The following WDR87 variants were observed in gnomAD, a reference collection of about 807,000 sequenced individuals.
WDR87 encodes the protein WD repeat-containing protein 87.
A neutral mutation model predicts 83.3 loss-of-function variants in WDR87; 56 were observed. The observed-to-expected ratio is 0.67, with a 90% CI of 0.54 to 0.84. The LOEUF is 0.84. Among genes scored for constraint, WDR87 ranks in the 40% least tolerant of loss-of-function variants. The pLI, the probability that WDR87 is intolerant of heterozygous loss-of-function variation, is 0.00. For synonymous variants in WDR87, 1,173 were observed against 1,250.6 expected, an observed-to-expected ratio of 0.94 and a Z score of 1.31; for missense variants, 2,939 against 3,431.9, an observed-to-expected ratio of 0.86 and a Z score of 3.59.
In WDR87 at chr19:37,893,491, G is replaced by T; in HGVS notation, c.2212C>A (p.Arg738=). Reference sequence around the variant, plus strand: ...ACAGAATGGTCAAAGGCAATGGCCCGGTTGTTGACAAGTTTCTCCAGACCC... The same window carrying T: ...ACAGAATGGTCAAAGGCAATGGCCCTGTTGTTGACAAGTTTCTCCAGACCC... The part of the protein sequence containing the change: ...LVGLEKLVNN[R]AIAFDHSVPH... The change falls in exon 4 of 6, where the codon CGG becomes AGG. Residue 738 remains arginine (R), a synonymous_variant. Transcript: ENST00000447313. 1 of 1,551,856 alleles carries T rather than the reference G, an allele frequency of 6.4e-7. No homozygotes were observed. The highest frequency in any genetic ancestry group is 8.7e-7 in the Non-Finnish European group (1 of 1,147,036).
In WDR87 at chr19:37,889,541, C is replaced by G. The variant is rs867492465; in HGVS notation, c.4130G>C (p.Arg1377Thr). The stretch of plus-strand genomic sequence containing the variant: ...TTCCCTTGGCATCACTTCCTTGTGT[C>G]TGATCACCTCTTGGGTCACACCTTG... ...MIQGVTQEVI[R>T]HKEVMPREEE... The change falls in exon 6 of 6, where the codon AGA (arginine) becomes ACA (threonine). Residue 1377 changes from arginine to threonine, a missense_variant. By Grantham distance (71) the Arg-to-Thr change is moderately conservative. Transcript: ENST00000447313. The G allele has an allele frequency of 2.6e-6, 4 of 1,551,642 alleles. No homozygotes were observed. In the South Asian group the frequency reaches 3.6e-5, roughly 14 times the overall value.
intron 1 of WDR87, among the ~76,000 whole-genome samples, chr19:37,903,509 T>A (rs1190721457): frequency 6.6e-6 from 1 of 152,178 alleles, no homozygotes; most frequent in African/African-American, 2.4e-5. Context: ...TGTAAAGTAG[T>A]AACCAGGAGT....
Position 37,895,002 on chromosome 19 carries a change from C to G in WDR87, c.701G>C (p.Arg234Thr), listed in dbSNP as rs1167616279. The stretch of plus-strand genomic sequence containing the variant: ...GGAGCCGCTGCTGGTGGACGTGAAC[C>G]TCTTTACCTCTCCCAGCTGGCCCTT... The part of the protein sequence containing the change: ...QGKGQLGEVK[R>T]FTSTSSGSSI... Residue 234 changes from arginine to threonine, a missense_variant, in exon 4 of 6, where the codon AGG becomes ACG. Physicochemically the swap from Arg to Thr is moderately conservative, Grantham distance 71. This residue lies in a region of WDR87 where 226 missense variants were observed against 320.9 expected (regional missense o/e 0.70). Transcript: ENST00000447313. 8 of 1,551,578 alleles carry G rather than the reference C, an allele frequency of 5.2e-6. No homozygotes were observed. The highest frequency in any genetic ancestry group is 7.0e-6 in the Non-Finnish European group (8 of 1,146,996).
rs899488415 is a variant in WDR87 at position 37,888,505 on chromosome 19, T to A, written c.5166A>T (p.Gly1722=). ...AREEEKLAKK[G]GKLAEVKNIL... ...TGTTTTTCACCTCAGCCAGTTTCCC[T>A]CCTTTCTTTGCTAGTTTCTCTTCTT... Residue 1722 remains glycine, a synonymous_variant, in exon 6 of 6, where the codon GGA becomes GGT. Transcript: ENST00000447313. 9 of 1,551,618 alleles carry A rather than the reference T, an allele frequency of 5.8e-6. No individual in the cohort carries two copies. In the African/African-American group the frequency reaches 1.1e-4, roughly 19 times the overall value.
chr19:37,892,632 G>C lies in WDR87; in HGVS notation c.3071C>G (p.Ser1024Cys). 4.5e-6 allele frequency: 7 copies of C among 1,545,604 alleles called. No homozygotes were observed. The highest frequency in any genetic ancestry group is 6.1e-6 in the Non-Finnish European group (7 of 1,142,080). The change falls in exon 4 of 6, where the codon TCT becomes TGT. Residue 1024 changes from serine (S) to cysteine (C), a missense_variant. Ser to Cys is a moderately radical substitution (Grantham distance 112). Transcript: ENST00000447313. ...LSLMAEIGIH[S>C]RTSLLQLTQK... ...GGTCAGCTGTAAGAGTGAGGTCCTAGAGTGGATTCCAATCTCAGCCATGAG... is the reference window on the plus strand; with the variant it reads ...GGTCAGCTGTAAGAGTGAGGTCCTACAGTGGATTCCAATCTCAGCCATGAG...
chr19:37,901,311 A>C (rs182915005), intron 1 of WDR87, among the ~76,000 whole-genome samples: 2 of 152,192 alleles, frequency 1.3e-5, no homozygotes, highest in African/African-American at 4.8e-5. Flanking sequence ...GGCGCCTGTA[A>C]TCCCAGCTAC....
In WDR87 at chr19:37,889,150, T is replaced by C. The variant is rs1418155799; in HGVS notation, c.4521A>G (p.Lys1507=). ...ATTTCCTTGTCTCACCATGGACCTG[T>C]TTCCACTCATCCCAGGCCTTTTTCC... The part of the protein sequence containing the change: ...QDWKKAWDEW[K]QVHGETRKSW... Residue 1507 remains lysine, a synonymous_variant, in exon 6 of 6, where the codon AAA becomes AAG. Transcript: ENST00000447313. The C allele has an allele frequency of 6.4e-7, 1 of 1,552,354 alleles. No homozygotes were observed. Among genetic ancestry groups the C allele is most frequent in the South Asian group, 1.2e-5 (1 of 84,064 alleles).
rs2046238219 is a variant in WDR87 at position 37,894,659 on chromosome 19, C to A, written c.1044G>T (p.Leu348Phe). ...GGCTGTAGAAGCAGGGCAGGCGGTG[C>A]AAGGAAAAACTATGGGCAGTTTGGC... is the stretch of plus-strand genomic sequence containing the variant. ...FFCQTAHSFS[L>F]HRLPCFYSLF... The change falls in exon 4 of 6, where the codon TTG (leucine) becomes TTT (phenylalanine). Residue 348 changes from leucine to phenylalanine, a missense_variant. This residue lies in a region of WDR87 where 553 missense variants were observed against 577.9 expected (regional missense o/e 0.96). Transcript: ENST00000447313. 1 of 1,551,548 alleles carries A rather than the reference C, an allele frequency of 6.4e-7. No individual in the cohort carries two copies. Among genetic ancestry groups the A allele is most frequent in the African/African-American group, 1.4e-5 (1 of 73,028 alleles).
Position 37,887,027 on chromosome 19 carries a change from A to G in WDR87, c.6644T>C (p.Leu2215Pro). 1.3e-6 allele frequency: 2 copies of G among 1,551,974 alleles called. No individual in the cohort carries two copies. The highest frequency in any genetic ancestry group is 3.9e-5 in the Admixed American group (2 of 50,950). Reference sequence around the variant, plus strand: ...TATTCCTCCTTCCTCTTCATCATCCAGTATGACTTCTGAATGCTTTCTGGC... The same window carrying G: ...TATTCCTCCTTCCTCTTCATCATCCGGTATGACTTCTGAATGCTTTCTGGC... ...KLARKHSEVI[L>P]DDEEEGGIEE... Residue 2215 changes from leucine (L) to proline (P), a missense_variant, in exon 6 of 6, where the codon CTG becomes CCG. Leu to Pro is a moderately conservative substitution (Grantham distance 98). Coordinates refer to ENST00000447313, the MANE Select transcript of WDR87 (RefSeq NM_001291088.2).
chr19:37,886,855 C>T lies in WDR87; in HGVS notation c.6816G>A (p.Leu2272=), dbSNP rs1312436675. Residue 2272 remains leucine, a synonymous_variant, in exon 6 of 6, where the codon CTG becomes CTA. Transcript: ENST00000447313. ...EEHFSEEMES[L]LDELEKQESL... Reference sequence around the variant, plus strand: ...TCTCTTGCTTTTCTAGTTCATCTAACAGGCTTTCCATTTCTTCAGAAAAAT... The same window carrying T: ...TCTCTTGCTTTTCTAGTTCATCTAATAGGCTTTCCATTTCTTCAGAAAAAT... The T allele has an allele frequency of 6.4e-7, 1 of 1,551,372 alleles. No homozygotes were observed. The highest frequency in any genetic ancestry group is 2.0e-5 in the Admixed American group (1 of 50,934).
At chr19:37,901,138 TAAAAA>T (rs879356825) in intron 1 of WDR87, among the ~76,000 whole-genome samples, 1 of 138,658 alleles carries the variant, frequency 7.2e-6, no homozygotes, top group Non-Finnish European at 1.6e-5. Flanking sequence ...AATCCTGTCT[TAAAAA>T]AAAAAAAGGC....
chr19:37,900,282 C>T (rs997230694), intron 1 of WDR87, among the ~76,000 whole-genome samples: 1 of 152,116 alleles, frequency 6.6e-6, no homozygotes, highest in African/African-American at 2.4e-5. Flanking sequence ...CTAAGATCCA[C>T]CAGGTGCAGT....
Position 37,886,029 on chromosome 19 carries a change from A to G in WDR87, c.7642T>C (p.Ser2548Pro), listed in dbSNP as rs1726738039. Residue 2548 changes from serine to proline, a missense_variant, in exon 6 of 6, where the codon TCC (serine) becomes CCC (proline). Ser to Pro is a moderately conservative substitution (Grantham distance 74). Around this residue, in one of 3 missense-constraint regions of WDR87, gnomAD observed 2,160 missense variants for 2,533.1 expected, o/e 0.85. Transcript: ENST00000447313. ...TGTTGTTCCTTAGCTGGGATTTGGG[A>G]GAGAGGTAACTGTACCTCAGTCTGT... Reference protein sequence around the residue: ...MGQTEVQLPLSQIPAKEQHAD... With the variant: ...MGQTEVQLPLPQIPAKEQHAD... The G allele has an allele frequency of 6.4e-7, 1 of 1,551,816 alleles. No individual in the cohort carries two copies. The highest frequency in any genetic ancestry group is 8.7e-7 in the Non-Finnish European group (1 of 1,147,016).
In WDR87 at chr19:37,885,393, C is replaced by T. The variant is rs1338575241; in HGVS notation, c.8278G>A (p.Glu2760Lys). 6.4e-7 allele frequency: 1 copy of T among 1,551,866 alleles called. No individual in the cohort carries two copies. The highest frequency in any genetic ancestry group is 1.2e-5 in the South Asian group (1 of 84,048). ...AATGTCTCCCACAAAGGCAACTCTTCCTTTTTTTTAGAAATGGGCTGTGTC... is the reference window on the plus strand; with the variant it reads ...AATGTCTCCCACAAAGGCAACTCTTTCTTTTTTTTAGAAATGGGCTGTGTC... ...KKTQPISKKK[E>K]ELPLWETFVA... The change falls in exon 6 of 6, where the codon GAA becomes AAA. Residue 2760 changes from glutamate to lysine, a missense_variant. Glu to Lys is a moderately conservative substitution (Grantham distance 56). This residue lies in a region of WDR87 where 2,160 missense variants were observed against 2,533.1 expected (regional missense o/e 0.85). Transcript: ENST00000447313.
chr19:37,898,868 C>G (rs1426584468), intron 1 of WDR87, among the ~76,000 whole-genome samples: 1 of 152,148 alleles, frequency 6.6e-6, no homozygotes, highest in African/African-American at 2.4e-5. Context: ...CAGAGGGCAA[C>G]GGAGGCCAAC....
rs182622230 is a variant in WDR87 at position 37,895,311 on chromosome 19, C to T, written c.392G>A (p.Arg131Gln). The stretch of plus-strand genomic sequence containing the variant: ...TGCCCGAAAGTGGTCCCCAAAGAGT[C>T]GCAGGATCAGGTCACCACAGTAGAC... ...LVVYCGDLILRLFGDHFRAFK... is the reference protein window; with the variant it reads ...LVVYCGDLILQLFGDHFRAFK... The change falls in exon 4 of 6, where the codon CGA becomes CAA. Residue 131 changes from arginine (R) to glutamine (Q), a missense_variant. Around this residue, in one of 3 missense-constraint regions of WDR87, gnomAD observed 226 missense variants for 320.9 expected, o/e 0.70. Transcript: ENST00000447313. 65 of 1,551,658 alleles carry T rather than the reference C, an allele frequency of 4.2e-5. 1 individual carries two copies. Among genetic ancestry groups the T allele is most frequent in the African/African-American group, 6.8e-5 (5 of 73,146 alleles).
chr19:37,895,109 G>C lies in WDR87; in HGVS notation c.594C>G (p.Val198=). ...TGGGACCATTCAGCACGATGTCCTGGACAAGCTCATCACCTGGCATGGAGA... is the reference window on the plus strand; with the variant it reads ...TGGGACCATTCAGCACGATGTCCTGCACAAGCTCATCACCTGGCATGGAGA... ...HMVSMPGDEL[V]QDIVLNGPSG... The change falls in exon 4 of 6, where the codon GTC becomes GTG. Residue 198 remains valine (V), a synonymous_variant. Transcript: ENST00000447313. The C allele has an allele frequency of 6.4e-7, 1 of 1,551,756 alleles. No homozygotes were observed. The highest frequency in any genetic ancestry group is 2.0e-5 in the Admixed American group (1 of 51,004).
chr19:37,898,210 C>T lies in WDR87; in HGVS notation c.30G>A (p.Trp10Ter), dbSNP rs1375555093. 1 of 1,551,518 alleles carries T rather than the reference C, an allele frequency of 6.4e-7. No homozygotes were observed. The highest frequency in any genetic ancestry group is 8.7e-7 in the Non-Finnish European group (1 of 1,146,974). Residue 10 changes from tryptophan to a stop codon, truncating the protein, a stop_gained, in exon 2 of 6, where the codon TGG (tryptophan) becomes TGA (stop). Coordinates refer to ENST00000447313, the MANE Select transcript of WDR87 (RefSeq NM_001291088.2). LOFTEE classifies it high-confidence loss of function. MSSPRLIPL[W>*]KDLKLLLNDT... ...CATTTAGGAGGAGTTTTAAATCTTT[C>T]CACAGGGGAATGAGCCTGGGGGAAG...
At chr19:37,904,221 C>T (rs1232747813) in intron 1 of WDR87, among the ~76,000 whole-genome samples, 2 of 151,514 alleles carry the variant, frequency 1.3e-5, no homozygotes, top group East Asian at 2.0e-4. Context: ...CTTTTAAAAA[C>T]GGACATGGTA....
Sources: gnomAD v4.1 joint callset for allele counts (sites outside exome capture counted in the v4.1 genomes callset) on GRCh38, gnomAD v4.1.1 for gene constraint, gnomAD v4.1.1 regional missense constraint, MANE v1.5 for transcripts, NCBI Gene and HGNC (gene_info 2026-07-23, HGNC 2026-07-21) for gene names.